Variants in RBFOX1 observed in about 807,000 individuals in gnomAD.
The protein encoded by RBFOX1 is RNA binding fox-1 homolog 1.
Under a neutral mutation model 57.7 loss-of-function variants are expected in RBFOX1, and 8 were observed. The ratio of observed to expected loss-of-function variants is 0.14; its 90% CI spans 0.08 to 0.25. RBFOX1 has a LOEUF of 0.25. Among genes scored for constraint, RBFOX1 ranks in the 10% least tolerant of loss-of-function variants. The pLI, the probability that RBFOX1 is intolerant of heterozygous loss-of-function variation, is 1.00. For synonymous variants in RBFOX1, 326 were observed against 222.4 expected (o/e 1.47, Z -4.15); for missense variants, 611 against 548.5 (o/e 1.11, Z -1.14).
At chr16:7,365,634 A>C (rs892955454) in intron 4 of RBFOX1, among the ~76,000 whole-genome samples, 1 of 152,236 alleles carries the variant, frequency 6.6e-6, no homozygotes, top group Non-Finnish European at 1.5e-5. Context: ...GCTGATTTAC[A>C]GCATCATCTT....
chr16:6,573,393 A>G (rs1456178959), intron 2 of RBFOX1, among the ~76,000 whole-genome samples: 2 of 152,142 alleles, frequency 1.3e-5, no homozygotes, highest in African/African-American at 2.4e-5. Flanking sequence ...TACAGCTGTT[A>G]CTTTATCCTG....
intron 1 of RBFOX1, among the ~76,000 whole-genome samples, chr16:5,288,569 A>G (rs1000982743): frequency 2.0e-5 from 3 of 151,992 alleles, no homozygotes; most frequent in African/African-American, 7.3e-5. Context: ...CCTCCAGAGT[A>G]GAAGATCCTT....
chr16:6,157,964 T>G (rs555711338), intron 1 of RBFOX1, among the ~76,000 whole-genome samples: 1 of 152,220 alleles, frequency 6.6e-6, no homozygotes, highest in Admixed American at 6.5e-5. Flanking sequence ...CTAATTACTA[T>G]GAGCAGAAAG....
chr16:5,315,308 A>G (rs1371752547), intron 1 of RBFOX1, among the ~76,000 whole-genome samples: 1 of 152,228 alleles, frequency 6.6e-6, no homozygotes, highest in Admixed American at 6.5e-5. Flanking sequence ...TAGCATTTCC[A>G]TGTTTAATTC....
intron 4 of RBFOX1, among the ~76,000 whole-genome samples, chr16:7,310,553 A>C (rs991298750): frequency 5.3e-5 from 8 of 152,298 alleles, no homozygotes; most frequent in Middle Eastern, 3.4e-3. Context: ...TTAACATGGA[A>C]ATAATTGTCA....
chr16:6,264,601 C>G (rs1567806653), intron 1 of RBFOX1, among the ~76,000 whole-genome samples: 1 of 152,108 alleles, frequency 6.6e-6, no homozygotes, highest in African/African-American at 2.4e-5. Flanking sequence ...CATTCTCTTC[C>G]TCTTCAGGAC....
chr16:7,581,213 C>G (rs1027008653), intron 6 of RBFOX1, among the ~76,000 whole-genome samples: 1 of 152,212 alleles, frequency 6.6e-6, no homozygotes, highest in African/African-American at 2.4e-5. Context: ...GCACTTTTAT[C>G]TCTCTCATTT....
At chr16:5,240,841 C>G (rs1262344909) in intron 1 of RBFOX1, among the ~76,000 whole-genome samples, 3 of 152,170 alleles carry the variant, frequency 2.0e-5, no homozygotes, top group Non-Finnish European at 4.4e-5. Flanking sequence ...TCACTTTCTG[C>G]TTTCCTACCC....
intron 14 of RBFOX1, among the ~76,000 whole-genome samples, chr16:7,703,477 G>C (rs530821113): frequency 6.6e-6 from 1 of 152,260 alleles, no homozygotes; most frequent in Admixed American, 6.5e-5. Flanking sequence ...ATGGGGAGAT[G>C]ATACTAATGG....
At chr16:7,483,376 A>G (rs1370678211) in intron 4 of RBFOX1, among the ~76,000 whole-genome samples, 2 of 152,196 alleles carry the variant, frequency 1.3e-5, no homozygotes, top group Non-Finnish European at 1.5e-5. Context: ...CAAGTTATTT[A>G]TCTCTTCTAG....
At chr16:6,858,322 G>C (rs1358306554) in intron 3 of RBFOX1, among the ~76,000 whole-genome samples, 1 of 152,182 alleles carries the variant, frequency 6.6e-6, no homozygotes, top group Non-Finnish European at 1.5e-5. Flanking sequence ...AGGATATCTA[G>C]CTTAGGATTT....
intron 3 of RBFOX1, among the ~76,000 whole-genome samples, chr16:6,838,682 C>T (rs996573720): frequency 6.6e-6 from 1 of 152,134 alleles, no homozygotes; most frequent in Admixed American, 6.5e-5. Context: ...AGCCGATAAC[C>T]TTCCCATGCT....
In RBFOX1 at chr16:6,788,068, C is replaced by G. The variant is rs368096743; in HGVS notation, c.-16+133418C>G. 1.2e-4 allele frequency among the ~76,000 whole-genome samples: 18 copies of G among 152,074 alleles called. 1 individual carries two copies. The East Asian group carries it at 2.5e-3, about 21-fold the overall frequency. The stretch of plus-strand genomic sequence containing the variant: ...TGAAACCCCATCTCTACTAAAAATA[C>G]AAAATTTGGCAGGTGTGGTGGCGCA... On this transcript the variant is annotated intron_variant, in intron 3 of 15. Transcript: ENST00000550418.
intron 1 of RBFOX1, among the ~76,000 whole-genome samples, chr16:5,454,967 C>CTTTCTTTCT (rs2068577238): frequency 1.6e-5 from 1 of 60,700 alleles, no homozygotes; most frequent in African/African-American, 6.0e-5. Flanking sequence ...TCCTTTCTTT[C>CTTTCTTTCT]TTTCTTTCTT....
intron 1 of RBFOX1, among the ~76,000 whole-genome samples, chr16:6,066,538 A>T (rs370169103): frequency 6.6e-6 from 1 of 152,084 alleles, no homozygotes; most frequent in Admixed American, 6.6e-5. Flanking sequence ...ACAGTAGTCC[A>T]CGGTTGAGCA....
intron 4 of RBFOX1, among the ~76,000 whole-genome samples, chr16:7,409,283 T>G (rs531942000): frequency 1.3e-5 from 2 of 152,240 alleles, no homozygotes; most frequent in Non-Finnish European, 2.9e-5. Context: ...CCGATCTGCC[T>G]GTAGCTTTGT....
chr16:7,243,442 A>G (rs530782012), intron 4 of RBFOX1, among the ~76,000 whole-genome samples: 35 of 152,176 alleles, frequency 2.3e-4, no homozygotes, highest in Non-Finnish European at 4.9e-4. Flanking sequence ...TTTGGTTGAC[A>G]TTATCTTTGT....
At chr16:6,721,436 C>G (rs942431912) in intron 3 of RBFOX1, among the ~76,000 whole-genome samples, 2 of 152,132 alleles carry the variant, frequency 1.3e-5, no homozygotes, top group African/African-American at 4.8e-5. Context: ...GAGCGAGACT[C>G]TGTCTCAAAA....
At chr16:7,204,064 G>T (rs976884717) in intron 4 of RBFOX1, among the ~76,000 whole-genome samples, 1 of 152,246 alleles carries the variant, frequency 6.6e-6, no homozygotes, top group African/African-American at 2.4e-5. Context: ...GACTTCTCCA[G>T]ATTTCCATAT....
Sources: allele counts gnomAD v4.1 joint callset (sites outside exome capture counted in the v4.1 genomes callset), GRCh38; gene constraint gnomAD v4.1.1; transcripts MANE v1.5; gene names NCBI Gene and HGNC (gene_info 2026-07-23, HGNC 2026-07-21).